COL17A1: variants seen among roughly 807,000 people sequenced by gnomAD.
COL17A1 encodes collagen type XVII alpha 1 chain, also known as collagen alpha-1(XVII) chain.
COL17A1 carries 181 observed loss-of-function variants against 218.4 expected under a neutral mutation model. The observed-to-expected ratio is 0.83, with a 90% confidence interval of 0.73 to 0.94. COL17A1 has a LOEUF of 0.94. COL17A1 is among the 40% of genes least tolerant of loss of function. The pLI is 0.00. For synonymous variants in COL17A1, 721 were observed against 731.0 expected (o/e 0.99, Z 0.22); for missense variants, 1,924 against 1,945.9 (o/e 0.99, Z 0.21).
intron 18 of COL17A1, 91 bp downstream of exon 18, chr10:104,055,691 A>C: frequency 6.5e-7 from 1 of 1,535,060 alleles, no homozygotes; most frequent in Non-Finnish European, 8.9e-7. Flanking sequence ...GGGCCGGATG[A>C]TGGTGCTCAC....
In COL17A1 at chr10:104,072,086, A is replaced by C; in HGVS notation, c.416-7T>G. On this transcript the variant is annotated splice_polypyrimidine_tract_variant and splice_region_variant and intron_variant, in intron 7 of 55. Coordinates refer to ENST00000648076, the MANE Select transcript of COL17A1 (RefSeq NM_000494.4). ...CGAACTCGAATTTCACTCTCTGTAC[A>C]AGGGAAGAGATAGAGAAGGGTGTGA... 6.2e-7 allele frequency: 1 copy of C among 1,614,080 alleles called. No homozygotes were observed. Among genetic ancestry groups the C allele is most frequent in the Non-Finnish European group, 8.5e-7 (1 of 1,180,010 alleles).
At chr10:104,056,033 T>A (rs1357047927) in intron 17 of COL17A1, 30 bp from the exon 18 acceptor site, 8 of 1,613,234 alleles carry the variant, frequency 5.0e-6, no homozygotes, top group African/African-American at 4.0e-5. Context: ...ACTGCGTCAC[T>A]GAGGGCCCGG....
At chr10:104,032,610 C>T (rs1844700345) in intron 55 of COL17A1, 64 bp downstream of exon 55, 1 of 1,508,504 alleles carries the variant, frequency 6.6e-7, no homozygotes, top group Non-Finnish European at 9.2e-7. Context: ...TCACCTGCTT[C>T]TCTAATGAGC....
At chr10:104,052,023 C>G in intron 24 of COL17A1, 132 bp downstream of exon 24, 7 of 1,239,626 alleles carry the variant, frequency 5.6e-6, no homozygotes, top group Non-Finnish European at 8.3e-6. Context: ...TTGGACCCAC[C>G]CACCACCCCT....
intron 12 of COL17A1, among the ~76,000 whole-genome samples, chr10:104,061,940 T>A (rs2086586497): frequency 6.6e-6 from 1 of 152,044 alleles, no homozygotes; most frequent in African/African-American, 2.4e-5. Flanking sequence ...AACCAGATGA[T>A]TGATTTGCAG....
At chr10:104,080,582 A>G (rs2086756137) in intron 2 of COL17A1, 40 bp downstream of exon 2, 1 of 1,602,094 alleles carries the variant, frequency 6.2e-7, no homozygotes, top group Non-Finnish European at 8.5e-7. Context: ...TATTACTTTC[A>G]TAATAAAACA....
chr10:104,038,844 G>A (rs749825799), intron 44 of COL17A1, among the ~76,000 whole-genome samples: 3 of 152,090 alleles, frequency 2.0e-5, no homozygotes, highest in Non-Finnish European at 2.9e-5. Flanking sequence ...TCCATCATGC[G>A]GTGTCTGCAT....
chr10:104,041,499 G>A lies in COL17A1; in HGVS notation c.2591C>T (p.Pro864Leu). Residue 864 changes from proline (P) to leucine (L), a missense_variant, in exon 37 of 56, where the codon CCA becomes CTA. Pro to Leu is a moderately conservative substitution (Grantham distance 98, BLOSUM62 -3). Coordinates refer to ENST00000648076, the MANE Select transcript of COL17A1 (RefSeq NM_000494.4). The part of the protein sequence containing the change: ...NLQGPPGPPG[P>L]RGPPGPSIPG... Reference sequence around the variant, plus strand: ...AAGATACTCACCTGGTGGCCCGCGTGGGCCGGGTGGGCCTGGGGGACCTTG... The same window carrying A: ...AAGATACTCACCTGGTGGCCCGCGTAGGCCGGGTGGGCCTGGGGGACCTTG... The A allele has an allele frequency of 6.2e-7, 1 of 1,613,458 alleles. No homozygotes were observed. Among genetic ancestry groups the A allele is most frequent in the Non-Finnish European group, 8.5e-7 (1 of 1,179,440 alleles).
At position 104,039,053 on chromosome 10, in the gene COL17A1, G is replaced by A. The variant is rs759186516; in HGVS notation, c.2947+18C>T. On this transcript the variant is annotated intron_variant, in intron 44 of 55. Transcript: ENST00000648076. ...CCAGAAGAAGTGGAGAGGAACTTTGGTCACTTTCAGTTCTTACCTTCAGAA... is the reference window on the plus strand; with the variant it reads ...CCAGAAGAAGTGGAGAGGAACTTTGATCACTTTCAGTTCTTACCTTCAGAA... The A allele has an allele frequency of 5.0e-6, 8 of 1,613,478 alleles. No homozygotes were observed. Among genetic ancestry groups the A allele is most frequent in the African/African-American group, 1.3e-5 (1 of 74,994 alleles).
intron 53 of COL17A1, 40 bp downstream of exon 53, chr10:104,033,198 C>T (rs779768174): frequency 1.8e-5 from 28 of 1,567,860 alleles, no homozygotes; most frequent in African/African-American, 4.0e-5. Context: ...GGAACCTATG[C>T]AGTGAGGCAG....
intron 16 of COL17A1, 50 bp downstream of exon 16, chr10:104,058,096 A>T (rs906719905): frequency 2.5e-6 from 4 of 1,612,374 alleles, no homozygotes; most frequent in Non-Finnish European, 2.5e-6. Flanking sequence ...CATTAGCCAT[A>T]AGCAGCCCCA....
chr10:104,032,368 A>C (rs866213117), intron 55 of COL17A1, 78 bp from the exon 56 acceptor site: 1 of 1,181,280 alleles, frequency 8.5e-7, no homozygotes, highest in African/African-American at 1.5e-5. Flanking sequence ...AATTATGGCA[A>C]CCGTGACTAC....
Position 104,032,041 on chromosome 10 carries a change from T to A in COL17A1, c.*194A>T, listed in dbSNP as rs1844690918. The A allele has an allele frequency of 3.2e-6, 2 of 624,838 alleles. No homozygotes were observed. The highest frequency in any genetic ancestry group is 5.7e-6 in the Non-Finnish European group (2 of 348,024). The allele number at this position is 624,838 out of a possible 1,614,324, so 38.7% of individuals were successfully genotyped here. On this transcript the variant is annotated 3_prime_UTR_variant, in exon 56 of 56. Transcript: ENST00000648076. ...TGTTAGAGTCCACCCCATGAAGCTG[T>A]TTCAGATTGTGTATCTTTGACTGAA...
chr10:104,041,114 C>G lies in COL17A1; in HGVS notation c.2652G>C (p.Glu884Asp), dbSNP rs983589694. The G allele has an allele frequency of 1.2e-6, 2 of 1,602,890 alleles. No homozygotes were observed. Among genetic ancestry groups the G allele is most frequent in the South Asian group, 1.1e-5 (1 of 90,566 alleles). ...GPPGPRGPPG[E>D]GLPGPPGPPG... ...GTGGGCCTGGTGGGCCTGGCAAACC[C>G]TCCCCTAGGAAAGAGAACCCCCAAG... The change falls in exon 39 of 56, where the codon GAG becomes GAC. Residue 884 changes from glutamate (E) to aspartate (D), a missense_variant. Coordinates refer to ENST00000648076, the MANE Select transcript of COL17A1 (RefSeq NM_000494.4).
chr10:104,034,395 A>C, intron 51 of COL17A1, 61 bp from the exon 52 acceptor site: 1 of 1,518,426 alleles, frequency 6.6e-7, no homozygotes, highest in Non-Finnish European at 8.8e-7. Flanking sequence ...AAGACTTGGG[A>C]GTTAGGGAGT....
intron 41 of COL17A1, 126 bp from the exon 42 acceptor site, chr10:104,039,766 C>T: frequency 2.1e-6 from 2 of 972,012 alleles, no homozygotes; most frequent in Non-Finnish European, 3.2e-6. Context: ...CCTAGAGATG[C>T]CACACACACA....
At chr10:104,038,888 C>T (rs1235324123) in intron 44 of COL17A1, among the ~76,000 whole-genome samples, 183 bp downstream of exon 44, 1 of 152,148 alleles carries the variant, frequency 6.6e-6, no homozygotes, top group African/African-American at 2.4e-5. Flanking sequence ...TGGGTCCTTC[C>T]CCTCAACCCA....
chr10:104,043,181 G>A (rs1315217386), intron 35 of COL17A1, among the ~76,000 whole-genome samples: 1 of 152,196 alleles, frequency 6.6e-6, no homozygotes, highest in Admixed American at 6.5e-5. Flanking sequence ...AGGCTCTGGA[G>A]GTAGACTGAT....
intron 52 of COL17A1, 79 bp downstream of exon 52, chr10:104,033,866 T>A: frequency 1.3e-6 from 2 of 1,598,986 alleles, no homozygotes; most frequent in Non-Finnish European, 1.7e-6. Flanking sequence ...GCCTGGGGGT[T>A]CCACAAACAA....
Sources: allele counts gnomAD v4.1 joint callset (sites outside exome capture counted in the v4.1 genomes callset), GRCh38; gene constraint gnomAD v4.1.1; transcripts MANE v1.5; gene names NCBI Gene and HGNC (gene_info 2026-07-23, HGNC 2026-07-21).